The following SEPTIN11 variants were observed in gnomAD, a reference collection of about 807,000 sequenced individuals.
SEPTIN11 encodes septin 11, also known as septin-11.
A neutral mutation model predicts 51.4 loss-of-function variants in SEPTIN11; 25 were observed. The observed-to-expected ratio is 0.49, with a 90% CI of 0.35 to 0.68. The LOEUF is 0.68. Among genes scored for constraint, SEPTIN11 ranks in the 30% least tolerant of loss-of-function variants. The pLI, the probability that SEPTIN11 is intolerant of heterozygous loss-of-function variation, is 0.00. For missense variants in SEPTIN11, 381 were observed against 520.8 expected (o/e 0.73, Z 2.61); for synonymous variants, 174 against 184.1 (o/e 0.95, Z 0.44).
At chr4:77,019,928 C>G (rs775503651) in intron 6 of SEPTIN11, among the ~76,000 whole-genome samples, 14 of 152,230 alleles carry the variant, frequency 9.2e-5, no homozygotes, top group Non-Finnish European at 1.8e-4. Flanking sequence ...TGAGAAGAAA[C>G]AGTACCTTTG....
chr4:76,974,250 T>C (rs1722382430), intron 1 of SEPTIN11, among the ~76,000 whole-genome samples: 1 of 152,200 alleles, frequency 6.6e-6, no homozygotes, highest in Non-Finnish European at 1.5e-5. Context: ...TTCCTTTTCC[T>C]GTTGTCCTCT....
chr4:76,986,885 A>G (rs1417877087), intron 1 of SEPTIN11, among the ~76,000 whole-genome samples: 2 of 152,144 alleles, frequency 1.3e-5, no homozygotes, highest in Middle Eastern at 6.3e-3. Flanking sequence ...AATAATTCAA[A>G]TGTTACAGAA....
At chr4:77,025,327 A>G (rs1397123109) in intron 7 of SEPTIN11, among the ~76,000 whole-genome samples, 1 of 152,128 alleles carries the variant, frequency 6.6e-6, no homozygotes, top group Non-Finnish European at 1.5e-5. Context: ...ACCTGAGCTC[A>G]GGAATTTAAG....
chr4:76,997,556 T>C (rs1723809188), intron 2 of SEPTIN11, among the ~76,000 whole-genome samples: 1 of 152,214 alleles, frequency 6.6e-6, no homozygotes, highest in Admixed American at 6.5e-5. Context: ...AAAGCCACAA[T>C]TGGCAGGCAC....
rs1200162044 is a variant in SEPTIN11, at chr4:77,035,938, G to GTT, written c.*1426_*1427insTT. The GTT allele has an allele frequency of 1.0e-6, 1 of 985,714 alleles. No homozygotes were observed. The highest frequency in any genetic ancestry group is 1.7e-5 in the African/African-American group (1 of 57,218). The allele number at this position is 985,714 out of a possible 1,614,324, so 61.1% of individuals were successfully genotyped here. A position where few individuals can be genotyped will look rare whatever the true frequency, so the allele number is the denominator to read the frequency against. On this transcript the variant is annotated 3_prime_UTR_variant, in exon 10 of 10. Coordinates refer to ENST00000264893, the MANE Select transcript of SEPTIN11 (RefSeq NM_018243.4). ...ATGTAGAAAGGATAACATTTCTCAT[G>GTT]AACCCACTGCCCCTCTGCATTTTCC...
intron 1 of SEPTIN11, among the ~76,000 whole-genome samples, chr4:76,973,786 C>T (rs932659073): frequency 9.9e-5 from 15 of 152,250 alleles, no homozygotes; most frequent in African/African-American, 2.2e-4. Flanking sequence ...TCCACATCTG[C>T]GAGGATGTAC....
At chr4:77,003,169 A>G (rs1222060505) in intron 2 of SEPTIN11, among the ~76,000 whole-genome samples, 1 of 152,206 alleles carries the variant, frequency 6.6e-6, no homozygotes, top group African/African-American at 2.4e-5. Context: ...AAATACCCAA[A>G]GAGAAAAACT....
At position 76,958,925 on chromosome 4, in the gene SEPTIN11, C is replaced by G; in HGVS notation, c.27+8995C>G. 5 of 1,382,084 alleles carry G rather than the reference C, an allele frequency of 3.6e-6. No homozygotes were observed. The East Asian group carries it at 9.2e-5, about 25-fold the overall frequency. 85.6% of individuals were successfully genotyped at this position (1,382,084 alleles called of 1,614,324 possible). On this transcript the variant is annotated intron_variant, in intron 1 of 9. Transcript: ENST00000264893. The stretch of plus-strand genomic sequence containing the variant: ...CCCAGAAAATTCACCCACCTTTTGT[C>G]CCTTCTTAAAAAACTGGAATGTTGG...
rs1202879267 is a variant in SEPTIN11 at position 76,984,001 on chromosome 4, C to T, written c.28-12424C>T. Among the ~76,000 whole-genome samples the T allele has an allele frequency of 6.6e-6, 1 of 151,800 alleles. No homozygotes were observed. The highest frequency in any genetic ancestry group is 1.5e-5 in the Non-Finnish European group (1 of 67,992). On this transcript the variant is annotated intron_variant, in intron 1 of 9. Coordinates refer to ENST00000264893, the MANE Select transcript of SEPTIN11 (RefSeq NM_018243.4). The surrounding 1 kb of genome is among the most constrained non-coding windows in gnomAD (Gnocchi z 4.1). ...CAGCCTAGGCGACAGAGCAAGACTC[C>T]ATTTCAGGGAAAAAAAGAAAAGAAA...
chr4:76,977,395 G>T (rs980041268), intron 1 of SEPTIN11, among the ~76,000 whole-genome samples: 9 of 152,156 alleles, frequency 5.9e-5, no homozygotes, highest in African/African-American at 2.2e-4. Flanking sequence ...GTAAAGGAAT[G>T]TGAGTGTAAT....
chr4:76,987,149 C>A (rs867878198), intron 1 of SEPTIN11, among the ~76,000 whole-genome samples: 1 of 152,316 alleles, frequency 6.6e-6, no homozygotes, highest in Middle Eastern at 3.4e-3. Flanking sequence ...ATCTACCTGG[C>A]TTTGTGACCT....
At chr4:77,016,633 C>CATATATATATATATATGT (rs1725291503) in intron 5 of SEPTIN11, among the ~76,000 whole-genome samples, 7 of 72,746 alleles carry the variant, frequency 9.6e-5, no homozygotes, top group Admixed American at 1.6e-4. Context: ...TATATATACA[C>CATATATATATATATATGT]ATATATATAT....
chr4:76,996,687 A>C, intron 2 of SEPTIN11, 148 bp downstream of exon 2: 1 of 611,060 alleles, frequency 1.6e-6, no homozygotes, highest in Non-Finnish European at 2.9e-6. Context: ...TGCCTTATAC[A>C]TGTCACAAGT....
chr4:77,016,495 TATATATATAGC>T (rs1213426433), intron 5 of SEPTIN11, among the ~76,000 whole-genome samples: 2 of 145,792 alleles, frequency 1.4e-5, no homozygotes, highest in East Asian at 4.0e-4. Context: ...TATATATGTG[TATATATATAGC>T]ATATATATAT....
intron 1 of SEPTIN11, among the ~76,000 whole-genome samples, chr4:76,991,561 A>T (rs190547182): frequency 4.4e-5 from 6 of 136,664 alleles, no homozygotes; most frequent in Admixed American, 2.3e-4. Context: ...TTCATAAGAA[A>T]GTGACCTTTT....
chr4:76,980,940 T>C (rs1722740145), intron 1 of SEPTIN11, among the ~76,000 whole-genome samples: 1 of 152,244 alleles, frequency 6.6e-6, no homozygotes, highest in South Asian at 2.1e-4. Flanking sequence ...TTTAGCTTAA[T>C]GCTTCCCTGT....
In SEPTIN11 at chr4:77,036,753, A is replaced by G. The variant is rs1351687522; in HGVS notation, c.*2241A>G. The G allele has an allele frequency of 7.8e-6, 12 of 1,533,308 alleles. No homozygotes were observed. Among genetic ancestry groups the G allele is most frequent in the South Asian group, 1.2e-5 (1 of 84,032 alleles). The allele number at this position is 1,533,308 out of a possible 1,614,324, so 95.0% of individuals were successfully genotyped here. A position where few individuals can be genotyped will look rare whatever the true frequency, so the allele number is the denominator to read the frequency against. ...GCTTTTCTTTTTTCTTTCTGTATCT[A>G]TGCCTTTTTTTCACAGTAGTCCTTG... On this transcript the variant is annotated 3_prime_UTR_variant, in exon 10 of 10. Coordinates refer to ENST00000264893, the MANE Select transcript of SEPTIN11 (RefSeq NM_018243.4).
chr4:77,037,017 C>G lies in SEPTIN11; in HGVS notation c.*2505C>G. 7 of 1,241,818 alleles carry G rather than the reference C, an allele frequency of 5.6e-6. No homozygotes were observed. Among genetic ancestry groups the G allele is most frequent in the Non-Finnish European group, 7.0e-6 (7 of 995,698 alleles). The allele number at this position is 1,241,818 out of a possible 1,614,324, so 76.9% of individuals were successfully genotyped here. Reference sequence around the variant, plus strand: ...AAAGGCCACATTTATATTTTTTTCACAAGAACCACATAATAAATTCCACTT... The same window carrying G: ...AAAGGCCACATTTATATTTTTTTCAGAAGAACCACATAATAAATTCCACTT... On this transcript the variant is annotated 3_prime_UTR_variant, in exon 10 of 10. Transcript: ENST00000264893.
At chr4:76,987,881 C>T (rs2132765) in intron 1 of SEPTIN11, 522,875 of 937,346 alleles carry the variant, frequency 0.56, 147,514 homozygotes, top group Middle Eastern at 0.62. Context: ...GTATGTACTT[C>T]TTCTCTTTTC....
Sources: allele counts gnomAD v4.1 joint callset (sites outside exome capture counted in the v4.1 genomes callset), GRCh38; gene constraint gnomAD v4.1.1; non-coding constraint Gnocchi (gnomAD v3.1); transcripts MANE v1.5; gene names NCBI Gene and HGNC (gene_info 2026-07-23, HGNC 2026-07-21).